Variants in SLCO3A1 observed in about 807,000 individuals in gnomAD.
SLCO3A1 encodes the protein PGE1 transporter.
A neutral mutation model predicts 63.1 loss-of-function variants in SLCO3A1; 27 were observed. The ratio of observed to expected loss-of-function variants is 0.43; its 90% CI spans 0.32 to 0.59. SLCO3A1 has a LOEUF of 0.59. Among genes scored for constraint, SLCO3A1 ranks in the 20% least tolerant of loss-of-function variants. The pLI is 0.09. For missense variants in SLCO3A1, 773 were observed against 945.8 expected, an observed-to-expected ratio of 0.82 and a Z score of 2.40; for synonymous variants, 473 against 409.9, an observed-to-expected ratio of 1.15 and a Z score of -1.86.
At chr15:92,143,460 ATATATATAAAT>A in intron 7 of SLCO3A1, among the ~76,000 whole-genome samples, 5 of 11,662 alleles carry the variant, frequency 4.3e-4, no homozygotes, top group South Asian at 3.8e-3. Context: ...AATATATATA[ATATATATAAAT>A]ATATATATAT....
intron 2 of SLCO3A1, among the ~76,000 whole-genome samples, chr15:91,966,805 G>A (rs573396464): frequency 2.0e-4 from 30 of 152,284 alleles, no homozygotes; most frequent in Admixed American, 3.9e-4. Context: ...GGCACTGTTC[G>A]TGGAAAAAGG....
At chr15:91,985,392 A>G (rs1242016209) in intron 2 of SLCO3A1, among the ~76,000 whole-genome samples, 1 of 152,110 alleles carries the variant, frequency 6.6e-6, no homozygotes, top group Non-Finnish European at 1.5e-5. Flanking sequence ...TGTAGTGTCC[A>G]GTTTGTGGCT....
At chr15:91,979,782 T>G (rs2045961204) in intron 2 of SLCO3A1, among the ~76,000 whole-genome samples, 2 of 152,044 alleles carry the variant, frequency 1.3e-5, no homozygotes, top group African/African-American at 2.4e-5. Context: ...GTGCTTAGCG[T>G]AATGCCTTGC....
intron 1 of SLCO3A1, among the ~76,000 whole-genome samples, chr15:91,887,049 G>A (rs548092789): frequency 1.3e-5 from 2 of 152,230 alleles, no homozygotes; most frequent in African/African-American, 2.4e-5. Flanking sequence ...GGCTTTTATG[G>A]TGTTTTGTGG....
At chr15:92,027,455 G>C (rs916010069) in intron 2 of SLCO3A1, among the ~76,000 whole-genome samples, 1 of 152,146 alleles carries the variant, frequency 6.6e-6, no homozygotes, top group Admixed American at 6.5e-5. Context: ...GAGCAAATAG[G>C]CTCAGAGATT....
intron 2 of SLCO3A1, among the ~76,000 whole-genome samples, chr15:91,985,632 G>C (rs751486922): frequency 2.6e-5 from 4 of 152,318 alleles, no homozygotes; most frequent in South Asian, 4.1e-4. Flanking sequence ...AGCTTTAGCT[G>C]TTCTGGTGGA....
At chr15:91,870,868 C>T (rs552107339) in intron 1 of SLCO3A1, among the ~76,000 whole-genome samples, 1 of 127,298 alleles carries the variant, frequency 7.9e-6, no homozygotes, top group African/African-American at 2.8e-5. Context: ...TTTAGATCTA[C>T]AATCTTTTTT....
At chr15:91,922,186 G>A (rs895637482) in intron 2 of SLCO3A1, among the ~76,000 whole-genome samples, 1 of 101,290 alleles carries the variant, frequency 9.9e-6, no homozygotes, top group African/African-American at 3.4e-5. Flanking sequence ...GCAGACACAC[G>A]CGCGTGCACG....
chr15:91,881,659 A>G (rs941687851), intron 1 of SLCO3A1, among the ~76,000 whole-genome samples: 30 of 152,268 alleles, frequency 2.0e-4, no homozygotes, highest in Admixed American at 5.2e-4. Context: ...TTTTAATACC[A>G]ACAGCTGTCA....
rs2046742705 is a variant in SLCO3A1 at position 92,037,471 on chromosome 15, C to T, written c.647-57410C>T. Among the ~76,000 whole-genome samples the T allele has an allele frequency of 3.3e-5, 5 of 152,168 alleles. No homozygotes were observed. The South Asian group carries it at 1.0e-3, about 32-fold the overall frequency. ...TGAAAAGCCCAGTGCAAAATGAAGT[C>T]ATGTGTCCATATAACAGGGAGTCAG... On this transcript the variant is annotated intron_variant, in intron 2 of 9. Transcript: ENST00000318445.
At chr15:92,137,566 T>C (rs2048075383) in intron 7 of SLCO3A1, among the ~76,000 whole-genome samples, 1 of 108,424 alleles carries the variant, frequency 9.2e-6, no homozygotes, top group Non-Finnish European at 1.8e-5. Context: ...TCCACAATGG[T>C]TGAACTAGTT....
At position 92,164,129 on chromosome 15, in the gene SLCO3A1, T is replaced by TTCAAG. The variant is rs1236854727; in HGVS notation, c.*998_*1002dup. The TTCAAG allele has an allele frequency of 2.0e-6, 2 of 981,928 alleles. No homozygotes were observed. Among genetic ancestry groups the TTCAAG allele is most frequent in the Non-Finnish European group, 2.4e-6 (2 of 826,682 alleles). 60.8% of individuals were successfully genotyped at this position (981,928 alleles called of 1,614,324 possible). On this transcript the variant is annotated 3_prime_UTR_variant, in exon 10 of 10. Coordinates refer to ENST00000318445, the MANE Select transcript of SLCO3A1 (RefSeq NM_013272.4). Reference sequence around the variant, plus strand: ...CTACTTCTAAAATCTGTGTTAACCCTTCAAGTCACTAACACAGTTCTCTAG... The same window carrying TTCAAG: ...CTACTTCTAAAATCTGTGTTAACCCTTCAAGTCAAGTCACTAACACAGTTCTCTAG...
chr15:91,960,219 G>A lies in SLCO3A1; in HGVS notation c.646+43761G>A, dbSNP rs368198372. On this transcript the variant is annotated intron_variant, in intron 2 of 9. Coordinates refer to ENST00000318445, the MANE Select transcript of SLCO3A1 (RefSeq NM_013272.4). ...AGGATGCTCTCGATCTCCTGACCTC[G>A]TGATCTGCCCACCTCGGCCTCCCAG... Among the ~76,000 whole-genome samples the A allele has an allele frequency of 1.1e-4, 17 of 152,234 alleles. No homozygotes were observed. The East Asian group carries it at 1.7e-3, about 16-fold the overall frequency.
intron 7 of SLCO3A1, among the ~76,000 whole-genome samples, chr15:92,131,364 C>CTTT (rs1176368440): frequency 0.089 from 11,254 of 126,978 alleles, 1,454 homozygotes; most frequent in Admixed American, 0.16. Context: ...CCTCCCACCT[C>CTTT]TTTTTTTTTT....
chr15:92,166,331 A>AAT (rs952704668), downstream of SLCO3A1, among the ~76,000 whole-genome samples: 1 of 152,188 alleles, frequency 6.6e-6, no homozygotes, highest in African/African-American at 2.4e-5. Context: ...CAGGCAAAAT[A>AAT]ATAACTGGAA....
At chr15:92,111,081 A>G (rs2047723330) in intron 4 of SLCO3A1, among the ~76,000 whole-genome samples, 1 of 152,178 alleles carries the variant, frequency 6.6e-6, no homozygotes, top group Admixed American at 6.5e-5. Flanking sequence ...CATCTTGGTC[A>G]GGGAGCACAT....
At chr15:91,922,017 G>C (rs1257848584) in intron 2 of SLCO3A1, among the ~76,000 whole-genome samples, 1 of 152,212 alleles carries the variant, frequency 6.6e-6, no homozygotes, top group Non-Finnish European at 1.5e-5. Context: ...TTACAGGCAT[G>C]AGCCACTGCG....
At position 92,162,875 on chromosome 15, in the gene SLCO3A1, C is replaced by A; in HGVS notation, c.1873C>A (p.Leu625Met). The A allele has an allele frequency of 1.2e-6, 2 of 1,614,210 alleles. No homozygotes were observed. Among genetic ancestry groups the A allele is most frequent in the South Asian group, 1.1e-5 (1 of 91,076 alleles). Reference sequence around the variant, plus strand: ...CTACGACAATGTGGTCTACCGATACCTGTATGTCAGCATCGCCATCGCGCT... The same window carrying A: ...CTACGACAATGTGGTCTACCGATACATGTATGTCAGCATCGCCATCGCGCT... ...VLYDNVVYRY[L>M]YVSIAIALKS... Residue 625 changes from leucine (L) to methionine (M), a missense_variant, in exon 10 of 10, where the codon CTG becomes ATG. Leu to Met is a conservative substitution (Grantham distance 15, BLOSUM62 2). This residue lies in a region of SLCO3A1 where 139 missense variants were observed against 131.4 expected (regional missense o/e 1.06). Transcript: ENST00000318445.
chr15:92,157,838 C>A (rs1478449693), intron 9 of SLCO3A1, among the ~76,000 whole-genome samples: 2 of 152,174 alleles, frequency 1.3e-5, no homozygotes, highest in Non-Finnish European at 1.5e-5. Context: ...CCCATTGATT[C>A]TTTACAAAAG....
Sources: gnomAD v4.1 joint callset for allele counts (sites outside exome capture counted in the v4.1 genomes callset) on GRCh38, gnomAD v4.1.1 for gene constraint, gnomAD v4.1.1 regional missense constraint, MANE v1.5 for transcripts, NCBI Gene and HGNC (gene_info 2026-07-23, HGNC 2026-07-21) for gene names.